XRCC5: variants seen among roughly 807,000 people sequenced by gnomAD.
XRCC5 encodes DNA repair protein Ku80.
Under a neutral mutation model 95.7 loss-of-function variants are expected in XRCC5, and 12 were observed. The ratio of observed to expected loss-of-function variants is 0.13; its 90% CI spans 0.08 to 0.20. The LOEUF (loss-of-function observed/expected upper bound fraction) is 0.20. XRCC5 is among the 10% of genes least tolerant of loss of function. The probability of loss-of-function intolerance (pLI) is 1.00; values close to 1 mark genes in which losing one functional copy is unlikely to be tolerated. For missense variants in XRCC5, 595 were observed against 873.9 expected (o/e 0.68, Z 4.02); for synonymous variants, 281 against 290.3 (o/e 0.97, Z 0.33).
chr2:216,136,973 G>A (rs1697092482), intron 10 of XRCC5, 115 bp from the exon 11 acceptor site: 1 of 1,280,804 alleles, frequency 7.8e-7, no homozygotes, highest in Non-Finnish European at 1.0e-6. Context: ...AAGTCAGGGG[G>A]CACCCTAAAA....
chr2:216,109,362 G>T lies in XRCC5; in HGVS notation c.-75G>T. 6.2e-7 allele frequency: 1 copy of T among 1,609,762 alleles called. No homozygotes were observed. Among genetic ancestry groups the T allele is most frequent in the Non-Finnish European group, 8.5e-7 (1 of 1,177,858 alleles). On this transcript the variant is annotated 5_prime_UTR_variant, in exon 1 of 21. Coordinates refer to ENST00000392132, the MANE Select transcript of XRCC5 (RefSeq NM_021141.4). ...CGGCTCTTTCCGCTATCTGCCGCTT[G>T]TCCACCGGAAGCGAGTTGCGACACG...
chr2:216,136,939 G>A, intron 10 of XRCC5, 149 bp from the exon 11 acceptor site: 1 of 827,514 alleles, frequency 1.2e-6, no homozygotes. Context: ...GTAATCAAAA[G>A]CAAATGTGTG....
intron 14 of XRCC5, 97 bp from the exon 15 acceptor site, chr2:216,159,971 T>C: frequency 1.6e-6 from 1 of 614,320 alleles, no homozygotes; most frequent in Non-Finnish European, 2.5e-6. Flanking sequence ...CTTCTTCTTT[T>C]TTCTTTTTTT....
intron 16 of XRCC5, among the ~76,000 whole-genome samples, chr2:216,187,817 ACACACTCTCTC>A (rs1689528520): frequency 1.7e-5 from 1 of 59,068 alleles, no homozygotes. Context: ...ACACACACAC[ACACACTCTCTC>A]TCTCTCTCTC....
At chr2:216,142,674 G>C (rs574786719) in intron 13 of XRCC5, among the ~76,000 whole-genome samples, 1 of 152,138 alleles carries the variant, frequency 6.6e-6, no homozygotes, top group Non-Finnish European at 1.5e-5. Flanking sequence ...CTGCAGGTTG[G>C]GGGTAACAGG....
chr2:216,158,147 A>G lies in XRCC5; in HGVS notation c.1671-1921A>G, dbSNP rs41301684. Among the ~76,000 whole-genome samples the G allele has an allele frequency of 3.9e-5, 6 of 152,304 alleles. No homozygotes were observed. In the East Asian group the frequency reaches 7.7e-4, roughly 20 times the overall value. On this transcript the variant is annotated intron_variant, in intron 14 of 20. Coordinates refer to ENST00000392132, the MANE Select transcript of XRCC5 (RefSeq NM_021141.4). Reference sequence around the variant, plus strand: ...GAAATTCTTCATGTGATTCAACTTCATATTCCCCCACAACTTAGCTTTTTA... The same window carrying G: ...GAAATTCTTCATGTGATTCAACTTCGTATTCCCCCACAACTTAGCTTTTTA...
At chr2:216,184,376 ACTT>A (rs1230391768) in intron 16 of XRCC5, among the ~76,000 whole-genome samples, 4 of 152,192 alleles carry the variant, frequency 2.6e-5, no homozygotes, top group East Asian at 1.9e-4. Flanking sequence ...ATGCTTTTGA[ACTT>A]CTTCAGTAAC....
At chr2:216,166,940 A>C (rs1183374697) in intron 16 of XRCC5, among the ~76,000 whole-genome samples, 2 of 152,198 alleles carry the variant, frequency 1.3e-5, no homozygotes, top group Non-Finnish European at 2.9e-5. Context: ...AATGTAACTT[A>C]ACTTTATAAT....
chr2:216,147,213 G>A (rs1161048940), intron 13 of XRCC5, among the ~76,000 whole-genome samples: 1 of 152,260 alleles, frequency 6.6e-6, no homozygotes, highest in East Asian at 1.9e-4. Flanking sequence ...TTGAGGTTTA[G>A]GGAAAGACAG....
intron 6 of XRCC5, among the ~76,000 whole-genome samples, chr2:216,124,624 T>G (rs1252606983): frequency 1.3e-5 from 2 of 152,230 alleles, no homozygotes; most frequent in Admixed American, 6.5e-5. Flanking sequence ...AGGTAAGATA[T>G]CTACTATTCG....
chr2:216,162,861 C>T (rs1453666161), intron 16 of XRCC5, among the ~76,000 whole-genome samples: 2 of 152,150 alleles, frequency 1.3e-5, no homozygotes, highest in Non-Finnish European at 2.9e-5. Context: ...CTCATTTAGG[C>T]TGTGGCTAAC....
chr2:216,180,725 C>T (rs1473997484), intron 16 of XRCC5, among the ~76,000 whole-genome samples: 1 of 151,998 alleles, frequency 6.6e-6, no homozygotes, highest in South Asian at 2.1e-4. Flanking sequence ...AGGCAACCAC[C>T]TAAGTGATGG....
In XRCC5 at chr2:216,205,333, C is replaced by T. The variant is rs1262045290; in HGVS notation, c.*131C>T. The T allele has an allele frequency of 1.5e-5, 16 of 1,037,012 alleles. No individual in the cohort carries two copies. The East Asian group carries it at 2.1e-4, about 14-fold the overall frequency. The allele number at this position is 1,037,012 out of a possible 1,614,324, so 64.2% of individuals were successfully genotyped here. On this transcript the variant is annotated 3_prime_UTR_variant, in exon 21 of 21. Transcript: ENST00000392132. Reference sequence around the variant, plus strand: ...AAATTCCCAGCAGGTTACCTGGAGGCGGATCATCTAATTCTCTGTGGAATG... The same window carrying T: ...AAATTCCCAGCAGGTTACCTGGAGGTGGATCATCTAATTCTCTGTGGAATG...
intron 16 of XRCC5, among the ~76,000 whole-genome samples, 154 bp from the exon 17 acceptor site, chr2:216,190,071 G>A (rs1689586405): frequency 1.3e-5 from 2 of 152,204 alleles, no homozygotes; most frequent in South Asian, 4.2e-4. Context: ...TCAGAATTTT[G>A]CATCTCATCT....
chr2:216,189,584 C>G (rs1298598716), intron 16 of XRCC5, among the ~76,000 whole-genome samples: 1 of 152,098 alleles, frequency 6.6e-6, no homozygotes, highest in African/African-American at 2.4e-5. Flanking sequence ...CTGACAGTTA[C>G]TGTTTATTAA....
In XRCC5 at chr2:216,138,165, A is replaced by G. The variant is rs747859323; in HGVS notation, c.1328A>G (p.Lys443Arg). The G allele has an allele frequency of 9.9e-5, 159 of 1,613,094 alleles. No individual in the cohort carries two copies. Among genetic ancestry groups the G allele is most frequent in the Non-Finnish European group, 1.3e-4 (157 of 1,179,906 alleles). ...TTTTCATCCTTGAAAAACAGTAAGA[A>G]ATATGCTCCCACCGGTGAGTTTGTT... ...YMFSSLKNSK[K>R]YAPTEAQLNA... Residue 443 changes from lysine to arginine, a missense_variant, in exon 12 of 21, where the codon AAA becomes AGA. Coordinates refer to ENST00000392132, the MANE Select transcript of XRCC5 (RefSeq NM_021141.4).
At chr2:216,127,751 TTA>T in intron 8 of XRCC5, 77 bp downstream of exon 8, 2 of 1,422,638 alleles carry the variant, frequency 1.4e-6, no homozygotes, top group Non-Finnish European at 1.9e-6. Context: ...GGGGTTTGTA[TTA>T]TTCTTTGTTT....
chr2:216,117,189 A>G (rs1696713085), intron 3 of XRCC5: 2 of 213,324 alleles, frequency 9.4e-6, no homozygotes, highest in Non-Finnish European at 9.4e-6. Context: ...GATAGAAAAT[A>G]TTTTTAGAAG....
At chr2:216,155,586 G>C (rs569903482) in intron 14 of XRCC5, among the ~76,000 whole-genome samples, 126 of 152,286 alleles carry the variant, frequency 8.3e-4, no homozygotes, top group African/African-American at 2.9e-3. Flanking sequence ...CAGTGTACTC[G>C]TCACTAGGGG....
Sources: gnomAD v4.1 joint callset for allele counts (sites outside exome capture counted in the v4.1 genomes callset) on GRCh38, gnomAD v4.1.1 for gene constraint, MANE v1.5 for transcripts, NCBI Gene and HGNC (gene_info 2026-07-23, HGNC 2026-07-21) for gene names.